The following PCDH9 variants were observed in gnomAD, a reference collection of about 807,000 sequenced individuals.
PCDH9 encodes protocadherin 9, also known as protocadherin-9.
A neutral mutation model predicts 70.6 loss-of-function variants in PCDH9; 24 were observed. The observed-to-expected ratio is 0.34, with a 90% CI of 0.25 to 0.48. The LOEUF (loss-of-function observed/expected upper bound fraction) is 0.48. Among genes scored for constraint, PCDH9 ranks in the 20% least tolerant of loss-of-function variants. PCDH9 has a pLI of 0.99. For missense variants in PCDH9, 1,281 were observed against 1,503.6 expected (o/e 0.85, Z 2.45); for synonymous variants, 562 against 558.5 (o/e 1.01, Z -0.09).
chr13:66,777,482 A>G (rs1251597780), intron 3 of PCDH9, among the ~76,000 whole-genome samples: 4 of 152,238 alleles, frequency 2.6e-5, no homozygotes, highest in Non-Finnish European at 5.9e-5. Flanking sequence ...ACATGAAAAG[A>G]CACTTCTCAA....
chr13:67,025,010 A>G (rs575293775), intron 2 of PCDH9, among the ~76,000 whole-genome samples: 1 of 152,094 alleles, frequency 6.6e-6, no homozygotes, highest in Non-Finnish European at 1.5e-5. Flanking sequence ...GAAGCTAATT[A>G]ACAAAAGTAT....
intron 2 of PCDH9, among the ~76,000 whole-genome samples, chr13:67,172,739 G>T (rs2138450708): frequency 6.6e-6 from 1 of 152,054 alleles, no homozygotes; most frequent in African/African-American, 2.4e-5. Flanking sequence ...TTAGCTGGGT[G>T]TGGTGGCACA....
intron 2 of PCDH9, among the ~76,000 whole-genome samples, chr13:67,073,095 A>G (rs2085801608): frequency 6.6e-6 from 1 of 152,150 alleles, no homozygotes; most frequent in Non-Finnish European, 1.5e-5. Context: ...TACACCCAAT[A>G]ATCACACAAG....
chr13:66,488,632 A>C (rs1366369506), intron 4 of PCDH9, among the ~76,000 whole-genome samples: 1 of 152,216 alleles, frequency 6.6e-6, no homozygotes, highest in Non-Finnish European at 1.5e-5. Flanking sequence ...TATTGTGATC[A>C]AATAATATGT....
At chr13:67,174,434 T>C (rs962921661) in intron 2 of PCDH9, among the ~76,000 whole-genome samples, 1 of 152,078 alleles carries the variant, frequency 6.6e-6, no homozygotes, top group African/African-American at 2.4e-5. Flanking sequence ...CTGCTCTTAT[T>C]ATAGATTATA....
chr13:66,534,707 A>C (rs1960615650), intron 4 of PCDH9, among the ~76,000 whole-genome samples: 4 of 152,050 alleles, frequency 2.6e-5, no homozygotes, highest in Non-Finnish European at 5.9e-5. Flanking sequence ...TTAAGTTATG[A>C]CTGTAGTTGC....
rs1453458049 is a variant in PCDH9, at chr13:66,494,072, T to G, written c.3340+137138A>C. ...TTAATTTATCAATGGGGAAATAAATTGTAATAGTTGAAAGAAAACAAAATG... is the reference window on the plus strand; with the variant it reads ...TTAATTTATCAATGGGGAAATAAATGGTAATAGTTGAAAGAAAACAAAATG... On this transcript the variant is annotated intron_variant, in intron 4 of 4. Coordinates refer to ENST00000377865, the MANE Select transcript of PCDH9 (RefSeq NM_203487.3). Among the ~76,000 whole-genome samples, 3 of 152,214 alleles carry G rather than the reference T, an allele frequency of 2.0e-5. No individual in the cohort carries two copies. In the East Asian group the frequency reaches 5.8e-4, roughly 29 times the overall value.
chr13:67,197,291 T>C (rs1350974423), intron 2 of PCDH9, among the ~76,000 whole-genome samples: 1 of 151,974 alleles, frequency 6.6e-6, no homozygotes, highest in African/African-American at 2.4e-5. Context: ...TGTCTTTATC[T>C]CATTTTTATA....
At chr13:67,174,556 G>A (rs1412741740) in intron 2 of PCDH9, among the ~76,000 whole-genome samples, 1 of 152,116 alleles carries the variant, frequency 6.6e-6, no homozygotes, top group African/African-American at 2.4e-5. Context: ...GATTATGTGT[G>A]GGAGCTCCTA....
intron 4 of PCDH9, among the ~76,000 whole-genome samples, chr13:66,548,209 A>T (rs1470136463): frequency 6.6e-6 from 1 of 151,976 alleles, no homozygotes; most frequent in African/African-American, 2.4e-5. Flanking sequence ...CCATTTATTA[A>T]AGGTCTATGC....
At chr13:67,141,543 T>G (rs751374687) in intron 2 of PCDH9, among the ~76,000 whole-genome samples, 1 of 151,874 alleles carries the variant, frequency 6.6e-6, no homozygotes, top group Non-Finnish European at 1.5e-5. Flanking sequence ...CAGGTTCAAG[T>G]GATTCTCCTG....
chr13:66,371,008 T>C (rs1956641676), intron 4 of PCDH9, among the ~76,000 whole-genome samples: 1 of 152,110 alleles, frequency 6.6e-6, no homozygotes, highest in African/African-American at 2.4e-5. Flanking sequence ...AAGTTAGAAA[T>C]GATAATGACA....
At chr13:66,339,142 G>A (rs1389797593) in intron 4 of PCDH9, among the ~76,000 whole-genome samples, 3 of 151,990 alleles carry the variant, frequency 2.0e-5, no homozygotes, top group Non-Finnish European at 4.4e-5. Context: ...AACCCTCAGC[G>A]TGGCCACAGT....
intron 2 of PCDH9, among the ~76,000 whole-genome samples, chr13:67,084,597 T>A (rs2086055984): frequency 6.6e-6 from 1 of 152,004 alleles, no homozygotes; most frequent in African/African-American, 2.4e-5. Context: ...AATAAAGTCC[T>A]TCCTTTTTCC....
At chr13:67,219,101 A>G (rs2089670314) in intron 2 of PCDH9, 1 of 152,070 alleles carries the variant, frequency 6.6e-6, no homozygotes, top group South Asian at 2.1e-4. Context: ...CAAACTGTCT[A>G]TAGGACAAAA....
intron 2 of PCDH9, chr13:67,214,935 G>GATATATATATATATAT (rs66460017): frequency 0.033 from 2,901 of 88,954 alleles, 769 homozygotes; most frequent in Non-Finnish European, 0.04. Context: ...TTGCGAGCCA[G>GATATATATATATATAT]ATATATATAT....
chr13:66,848,699 C>T (rs1221213991), intron 3 of PCDH9, among the ~76,000 whole-genome samples: 3 of 151,930 alleles, frequency 2.0e-5, no homozygotes, highest in African/African-American at 7.3e-5. Context: ...GAGGCTGAGG[C>T]GGGCGGATCA....
At chr13:66,683,733 C>T (rs944549833) in intron 3 of PCDH9, among the ~76,000 whole-genome samples, 2 of 152,110 alleles carry the variant, frequency 1.3e-5, no homozygotes, top group African/African-American at 4.8e-5. Flanking sequence ...TGTATGCATA[C>T]AGAGCCAGCC....
chr13:66,963,723 C>T (rs1352545504), intron 2 of PCDH9, among the ~76,000 whole-genome samples: 1 of 152,144 alleles, frequency 6.6e-6, no homozygotes, highest in Non-Finnish European at 1.5e-5. Flanking sequence ...TTCATGTGAA[C>T]ACTCCAAATA....
Sources: gnomAD v4.1 joint callset for allele counts (sites outside exome capture counted in the v4.1 genomes callset) on GRCh38, gnomAD v4.1.1 for gene constraint, MANE v1.5 for transcripts, NCBI Gene and HGNC (gene_info 2026-07-23, HGNC 2026-07-21) for gene names.